Variants in CD2AP observed in about 807,000 individuals in gnomAD.
CD2AP encodes CD2 associated protein.
A neutral mutation model predicts 85.1 loss-of-function variants in CD2AP; 46 were observed. The observed-to-expected ratio is 0.54, with a 90% CI of 0.43 to 0.69. The LOEUF (loss-of-function observed/expected upper bound fraction) is 0.69, where lower values mean the gene tolerates loss of function less well. Ranked by LOEUF, CD2AP falls within the 30% of genes least tolerant of loss-of-function variation. The probability of loss-of-function intolerance (pLI) is 0.00; values close to 1 mark genes in which losing one functional copy is unlikely to be tolerated. For missense variants in CD2AP, 769 were observed against 729.5 expected, an observed-to-expected ratio of 1.05 and a Z score of -0.62; for synonymous variants, 255 against 252.9, an observed-to-expected ratio of 1.01 and a Z score of -0.08.
At chr6:47,590,037 G>A (rs1267354413) in intron 11 of CD2AP, among the ~76,000 whole-genome samples, 3 of 151,954 alleles carry the variant, frequency 2.0e-5, no homozygotes, top group Non-Finnish European at 4.4e-5. Flanking sequence ...ATCATCTAGA[G>A]TTTTAAATTA....
chr6:47,537,716 A>G (rs1370447866), intron 3 of CD2AP, among the ~76,000 whole-genome samples: 1 of 152,160 alleles, frequency 6.6e-6, no homozygotes, highest in Non-Finnish European at 1.5e-5. Context: ...CATCTCAGCA[A>G]AGTAGGCAGT....
Position 47,606,273 on chromosome 6 carries a change from A to G in CD2AP, c.1526A>G (p.His509Arg), listed in dbSNP as rs1244200788. 1.3e-6 allele frequency: 2 copies of G among 1,549,558 alleles called. No homozygotes were observed. Among genetic ancestry groups the G allele is most frequent in the Non-Finnish European group, 1.8e-6 (2 of 1,121,298 alleles). ...RRLPGRFNGG[H>R]SPTHSPEKIL... ...TTGCCGGGCCGTTTCAATGGTGGAC[A>G]TTCTGTGAGTTCATCTAATTGTCGT... The change falls in exon 14 of 18, where the codon CAT (histidine) becomes CGT (arginine). Residue 509 changes from histidine (H) to arginine (R), a missense_variant. Physicochemically the swap from His to Arg is conservative, Grantham distance 29. Transcript: ENST00000359314.
At chr6:47,505,036 T>TTA (rs70999627) in intron 2 of CD2AP, among the ~76,000 whole-genome samples, 14 of 104,188 alleles carry the variant, frequency 1.3e-4, no homozygotes, top group African/African-American at 4.8e-4. Flanking sequence ...TTTTTTTTTT[T>TTA]AATTTATTTT....
intron 11 of CD2AP, among the ~76,000 whole-genome samples, chr6:47,587,989 C>G (rs1768676421): frequency 6.6e-6 from 1 of 152,138 alleles, no homozygotes; most frequent in South Asian, 2.1e-4. Context: ...ACTTCTGATT[C>G]CCAGTCAGTG....
chr6:47,533,631 T>C lies in CD2AP; in HGVS notation c.195T>C (p.Asp65=). ...KEIKRETEFK[D]DSLPIKRERH... is the part of the protein sequence containing the mutation. ...TTAAAAGAGAGACGGAATTCAAGGA[T>C]GACAGTTTGCCCATCAAACGGGAAA... Residue 65 remains aspartate, a synonymous_variant, in exon 3 of 18, where the codon GAT becomes GAC. Coordinates refer to ENST00000359314, the MANE Select transcript of CD2AP (RefSeq NM_012120.3). 1 of 1,614,074 alleles carries C rather than the reference T, an allele frequency of 6.2e-7. No homozygotes were observed.
rs1259188067 is a variant in CD2AP at position 47,609,289 on chromosome 6, T to G, written c.1799T>G (p.Leu600Arg). ...IIELLCIVEA[L>R]KKDHGKELEK... ...GAATTGTTGTGCATTGTAGAAGCAC[T>G]GAAAAAGGATCACGGGTAAGTAGCC... The change falls in exon 16 of 18, where the codon CTG becomes CGG. Residue 600 changes from leucine to arginine, a missense_variant. Physicochemically the swap from Leu to Arg is moderately radical, Grantham distance 102 (BLOSUM62 -2). Transcript: ENST00000359314. The G allele has an allele frequency of 1.2e-6, 2 of 1,612,722 alleles. No individual in the cohort carries two copies.
intron 4 of CD2AP, among the ~76,000 whole-genome samples, chr6:47,548,483 A>G (rs1405199304): frequency 6.6e-6 from 1 of 152,148 alleles, no homozygotes; most frequent in Non-Finnish European, 1.5e-5. Context: ...TAAAGATACA[A>G]TCCTCCTTGA....
At chr6:47,609,098 A>T (rs1769353583) in intron 15 of CD2AP, 25 bp from the exon 16 acceptor site, 1 of 1,548,556 alleles carries the variant, frequency 6.5e-7, no homozygotes, top group African/African-American at 1.4e-5. Context: ...AAATAAAATC[A>T]GAAATTTTTT....
intron 11 of CD2AP, among the ~76,000 whole-genome samples, chr6:47,591,687 T>C (rs573966857): frequency 5.3e-5 from 8 of 152,162 alleles, no homozygotes; most frequent in Non-Finnish European, 1.0e-4. Context: ...GGTTAACTTA[T>C]TACGTACAGT....
At chr6:47,508,001 T>G (rs546715823) in intron 2 of CD2AP, among the ~76,000 whole-genome samples, 1 of 152,330 alleles carries the variant, frequency 6.6e-6, no homozygotes, top group Non-Finnish European at 1.5e-5. Flanking sequence ...CATCTAGGCT[T>G]TGGTTTTCCA....
intron 5 of CD2AP, chr6:47,562,477 A>C (rs1222046749): frequency 5.2e-6 from 1 of 193,656 alleles, no homozygotes; most frequent in African/African-American, 2.3e-5. Context: ...CAGAGTTTTC[A>C]GTTAATTATA....
Position 47,503,278 on chromosome 6 carries a change from A to G in CD2AP, c.5-2A>G. 6.2e-7 allele frequency: 1 copy of G among 1,612,910 alleles called. No individual in the cohort carries two copies. Among genetic ancestry groups the G allele is most frequent in the South Asian group, 1.1e-5 (1 of 91,030 alleles). On this transcript the variant is annotated splice_acceptor_variant, in intron 1 of 17. Transcript: ENST00000359314. LOFTEE classifies it high-confidence loss of function. ...ACATTTCGTTTTTTCCCCCTTTTTT[A>G]GTTGACTATATTGTGGAGTATGACT... is the stretch of plus-strand genomic sequence containing the variant.
chr6:47,595,868 A>G lies in CD2AP; in HGVS notation c.1116A>G (p.Lys372=). 1 of 1,611,988 alleles carries G rather than the reference A, an allele frequency of 6.2e-7. No homozygotes were observed. The highest frequency in any genetic ancestry group is 8.5e-7 in the Non-Finnish European group (1 of 1,178,490). ...AAATATTTTAAATCTTAGATGAAAA[A>G]TCAACACTGGAACAGAAACCTTCTA... The part of the protein sequence containing the change: ...FSLKPEEKDE[K]STLEQKPSKP... The change falls in exon 12 of 18, where the codon AAA becomes AAG. Residue 372 remains lysine, a synonymous_variant. Transcript: ENST00000359314.
chr6:47,503,112 T>G (rs990911522), intron 1 of CD2AP, among the ~76,000 whole-genome samples, 168 bp from the exon 2 acceptor site: 2 of 152,218 alleles, frequency 1.3e-5, no homozygotes, highest in Non-Finnish European at 2.9e-5. Flanking sequence ...ATTCAAGAAA[T>G]TTGCTGATGT....
At chr6:47,497,305 T>C (rs1051565678) in intron 1 of CD2AP, among the ~76,000 whole-genome samples, 1 of 114,600 alleles carries the variant, frequency 8.7e-6, no homozygotes, top group Admixed American at 8.2e-5. Flanking sequence ...TCCCGTTCCC[T>C]TTTTCCTTTC....
intron 5 of CD2AP, among the ~76,000 whole-genome samples, chr6:47,558,256 A>G (rs1701453096): frequency 6.6e-6 from 1 of 152,218 alleles, no homozygotes; most frequent in Non-Finnish European, 1.5e-5. Context: ...TAAATATACA[A>G]TCATGTCATC....
chr6:47,565,186 G>T (rs1443226598), intron 5 of CD2AP, among the ~76,000 whole-genome samples: 2 of 152,090 alleles, frequency 1.3e-5, no homozygotes, highest in Admixed American at 6.6e-5. Context: ...GTTTTCTGTA[G>T]GAATGTGGTG....
chr6:47,528,553 CT>C (rs1182269890), intron 2 of CD2AP, among the ~76,000 whole-genome samples: 1 of 152,184 alleles, frequency 6.6e-6, no homozygotes, highest in Non-Finnish European at 1.5e-5. Context: ...CTGTCTCATG[CT>C]TTGCTGTTTT....
At chr6:47,550,614 T>C (rs1366174355) in intron 4 of CD2AP, among the ~76,000 whole-genome samples, 1 of 152,196 alleles carries the variant, frequency 6.6e-6, no homozygotes, top group African/African-American at 2.4e-5. Context: ...ACAGCCACTA[T>C]GGAAAACAGT....
Sources: allele counts gnomAD v4.1 joint callset (sites outside exome capture counted in the v4.1 genomes callset), GRCh38; gene constraint gnomAD v4.1.1; transcripts MANE v1.5; gene names NCBI Gene and HGNC (gene_info 2026-07-23, HGNC 2026-07-21).